The following NRXN3 variants were observed in gnomAD, a reference collection of about 807,000 sequenced individuals.
The protein encoded by NRXN3 is neurexin III.
In NRXN3, 32 loss-of-function variants were observed where a neutral mutation model predicts 137.6. The observed-to-expected ratio is 0.23, with a 90% confidence interval of 0.18 to 0.31. NRXN3 has a LOEUF of 0.31. Among genes scored for constraint, NRXN3 ranks in the 10% least tolerant of loss-of-function variants. NRXN3 has a pLI of 1.00. For missense variants in NRXN3, 1,574 were observed against 2,062.5 expected, an observed-to-expected ratio of 0.76 and a Z score of 4.59; for synonymous variants, 798 against 784.5, an observed-to-expected ratio of 1.02 and a Z score of -0.29.
chr14:79,375,007 G>T (rs75866059), intron 15 of NRXN3, among the ~76,000 whole-genome samples: 1 of 152,038 alleles, frequency 6.6e-6, no homozygotes, highest in Non-Finnish European at 1.5e-5. Context: ...AAGTACCTAC[G>T]ATATGCCAGG....
intron 4 of NRXN3, among the ~76,000 whole-genome samples, chr14:78,299,780 G>C (rs182153395): frequency 7.1e-4 from 108 of 152,294 alleles, no homozygotes; most frequent in African/African-American, 2.5e-3. Flanking sequence ...ATACAACCAT[G>C]CTCCGGGGGA....
intron 3 of NRXN3, among the ~76,000 whole-genome samples, chr14:78,296,698 A>G (rs1028516290): frequency 2.0e-5 from 3 of 152,204 alleles, no homozygotes; most frequent in African/African-American, 7.2e-5. Flanking sequence ...TTTATGGCAC[A>G]TGTATCTGTG....
At chr14:78,218,078 ATATACT>A (rs1433150140) in intron 1 of NRXN3, among the ~76,000 whole-genome samples, 6 of 152,196 alleles carry the variant, frequency 3.9e-5, no homozygotes, top group African/African-American at 7.2e-5. Context: ...TGTGTATATA[ATATACT>A]TATGTGATTT....
At chr14:79,598,951 A>G (rs1247570247) in intron 16 of NRXN3, among the ~76,000 whole-genome samples, 1 of 152,204 alleles carries the variant, frequency 6.6e-6, no homozygotes, top group Non-Finnish European at 1.5e-5. Context: ...AATAGCTCCA[A>G]TTCTCAAAAA....
At chr14:78,529,413 A>G (rs2096428714) in intron 4 of NRXN3, among the ~76,000 whole-genome samples, 1 of 152,192 alleles carries the variant, frequency 6.6e-6, no homozygotes, top group African/African-American at 2.4e-5. Context: ...CATAGTAGAA[A>G]CTAAGTTCTA....
At chr14:79,158,031 G>C (rs977367702) in intron 15 of NRXN3, among the ~76,000 whole-genome samples, 1 of 151,638 alleles carries the variant, frequency 6.6e-6, no homozygotes, top group East Asian at 1.9e-4. Context: ...GTCCTCATTT[G>C]TAAATTGTGA....
chr14:79,004,573 A>G (rs2099548462), intron 15 of NRXN3, among the ~76,000 whole-genome samples: 1 of 152,194 alleles, frequency 6.6e-6, no homozygotes, highest in African/African-American at 2.4e-5. Flanking sequence ...GATGACAAAT[A>G]TTTCATGCTA....
intron 19 of NRXN3, among the ~76,000 whole-genome samples, chr14:79,719,645 T>C (rs2098837324): frequency 6.6e-6 from 1 of 152,054 alleles, no homozygotes; most frequent in Non-Finnish European, 1.5e-5. Context: ...CCACCCGTGA[T>C]CCAACCCTCC....
At chr14:79,560,261 G>T (rs776796373) in intron 16 of NRXN3, among the ~76,000 whole-genome samples, 6 of 151,794 alleles carry the variant, frequency 4.0e-5, no homozygotes, top group Non-Finnish European at 7.4e-5. Flanking sequence ...CCTCTGGCCT[G>T]GTTCGTCAAA....
intron 7 of NRXN3, chr14:78,709,940 C>T (rs2098391528): frequency 9.9e-6 from 4 of 403,954 alleles, no homozygotes; most frequent in Non-Finnish European, 1.8e-5. Flanking sequence ...CCACTGCTAC[C>T]AGAGCAACTC....
intron 15 of NRXN3, among the ~76,000 whole-genome samples, chr14:79,024,875 T>G (rs1568026070): frequency 6.6e-6 from 1 of 152,148 alleles, no homozygotes; most frequent in South Asian, 2.1e-4. Flanking sequence ...AGGTATTTGT[T>G]GAGCAATTAT....
chr14:79,499,785 C>T (rs756603971), intron 16 of NRXN3, among the ~76,000 whole-genome samples: 6 of 151,968 alleles, frequency 3.9e-5, no homozygotes, highest in Non-Finnish European at 7.4e-5. Context: ...ACTAGAATAC[C>T]GAAAGAAAAT....
At chr14:78,630,541 A>G (rs989788883) in intron 4 of NRXN3, among the ~76,000 whole-genome samples, 2 of 151,970 alleles carry the variant, frequency 1.3e-5, no homozygotes, top group African/African-American at 4.8e-5. Flanking sequence ...CACAGTGCAT[A>G]AATTTAGCTT....
rs552538347 is a variant in NRXN3, at chr14:78,460,641, G to A, written c.757+162781G>A. 2.0e-5 allele frequency among the ~76,000 whole-genome samples: 3 copies of A among 152,258 alleles called. No homozygotes were observed. In the South Asian group the frequency reaches 6.2e-4, roughly 32 times the overall value. ...GGCTACTTTCTCGTCAGGAGCAGGT[G>A]GCACTAAGAGATACAGAACAGATAA... On this transcript the variant is annotated intron_variant, in intron 4 of 20. Transcript: ENST00000335750.
At position 79,361,996 on chromosome 14, in the gene NRXN3, A is replaced by T. The variant is rs898787683; in HGVS notation, c.3263-105225A>T. ...TTTACGCTATTCATTCTACTTTTATAATTATTATTATTATTATTATTATTA... is the reference window on the plus strand; with the variant it reads ...TTTACGCTATTCATTCTACTTTTATTATTATTATTATTATTATTATTATTA... On this transcript the variant is annotated intron_variant, in intron 15 of 20. Coordinates refer to ENST00000335750, the MANE Select transcript of NRXN3 (RefSeq NM_001330195.2). Among the ~76,000 whole-genome samples, 279 of 142,104 alleles carry T rather than the reference A, an allele frequency of 2.0e-3. 1 individual carries two copies. The highest frequency in any genetic ancestry group is 6.9e-3 in the African/African-American group (268 of 39,124). 93.2% of individuals were successfully genotyped at this position (142,104 alleles called of 152,430 possible).
intron 4 of NRXN3, among the ~76,000 whole-genome samples, chr14:78,334,417 C>G (rs527843411): frequency 5.2e-4 from 79 of 152,234 alleles, no homozygotes; most frequent in Admixed American, 1.4e-3. Flanking sequence ...GTCCCTTCCA[C>G]TTGCTTCTCC....
intron 8 of NRXN3, among the ~76,000 whole-genome samples, chr14:78,795,187 C>G (rs2098817900): frequency 6.6e-6 from 1 of 152,124 alleles, no homozygotes; most frequent in South Asian, 2.1e-4. Context: ...CTCTCTGAGA[C>G]AAGTTTAACA....
At chr14:78,343,560 A>C (rs888268573) in intron 4 of NRXN3, among the ~76,000 whole-genome samples, 8 of 152,208 alleles carry the variant, frequency 5.3e-5, no homozygotes, top group African/African-American at 1.7e-4. Context: ...AGTTCTGTGA[A>C]ATAGAATTTT....
At chr14:78,200,318 G>T (rs1404711787) in intron 1 of NRXN3, among the ~76,000 whole-genome samples, 2 of 152,198 alleles carry the variant, frequency 1.3e-5, no homozygotes, top group Admixed American at 6.5e-5. Context: ...TGCGGAAGGA[G>T]ACTGAGCAAC....
Sources: gnomAD v4.1 joint callset for allele counts (sites outside exome capture counted in the v4.1 genomes callset) on GRCh38, gnomAD v4.1.1 for gene constraint, MANE v1.5 for transcripts, NCBI Gene and HGNC (gene_info 2026-07-23, HGNC 2026-07-21) for gene names.